The following NPEPPS variants were observed in gnomAD, a reference collection of about 807,000 sequenced individuals.
NPEPPS encodes puromycin-sensitive aminopeptidase.
NPEPPS carries 14 observed loss-of-function variants against 115.5 expected under a neutral mutation model. That is an observed-to-expected ratio of 0.12 (90% CI 0.08 to 0.19). The LOEUF (loss-of-function observed/expected upper bound fraction) is 0.19, where lower values mean the gene tolerates loss of function less well. NPEPPS is among the 10% of genes least tolerant of loss of function. NPEPPS has a pLI of 1.00. For synonymous variants in NPEPPS, 285 were observed against 390.6 expected (o/e 0.73, Z 3.19); for missense variants, 523 against 1,110.8 (o/e 0.47, Z 7.52).
intron 3 of NPEPPS, among the ~76,000 whole-genome samples, chr17:47,577,577 T>G (rs186135447): frequency 1.7e-3 from 254 of 152,314 alleles, no homozygotes; most frequent in African/African-American, 5.8e-3. Flanking sequence ...TCATTCTCTT[T>G]AAAGAAAAAA....
chr17:47,616,421 C>T (rs980923742), intron 19 of NPEPPS, among the ~76,000 whole-genome samples: 2 of 151,850 alleles, frequency 1.3e-5, no homozygotes, highest in African/African-American at 4.8e-5. Context: ...CGGTGGCTCA[C>T]GCCTGCAATC....
intron 17 of NPEPPS, among the ~76,000 whole-genome samples, chr17:47,609,888 T>C (rs1408697434): frequency 6.6e-6 from 1 of 152,234 alleles, no homozygotes; most frequent in Admixed American, 6.5e-5. Context: ...GGGTTGTTCA[T>C]TGCTTTTTAT....
intron 19 of NPEPPS, among the ~76,000 whole-genome samples, chr17:47,617,944 A>C (rs1014287653): frequency 6.6e-6 from 1 of 151,958 alleles, no homozygotes; most frequent in African/African-American, 2.4e-5. Flanking sequence ...CAGTGGCACG[A>C]TCTCAGCTCA....
intron 3 of NPEPPS, among the ~76,000 whole-genome samples, chr17:47,571,461 G>A (rs545203372): frequency 1.3e-5 from 2 of 152,238 alleles, no homozygotes; most frequent in Non-Finnish European, 2.9e-5. Flanking sequence ...GCTCACGCCT[G>A]TAATCCCAGC....
chr17:47,541,709 G>A (rs1184734769), intron 1 of NPEPPS, among the ~76,000 whole-genome samples: 2 of 152,084 alleles, frequency 1.3e-5, no homozygotes, highest in Admixed American at 1.3e-4. Flanking sequence ...TTCTGAATAG[G>A]CAAAGAATTC....
At chr17:47,587,045 T>C in intron 8 of NPEPPS, 185 bp from the exon 9 acceptor site, 1 of 519,810 alleles carries the variant, frequency 1.9e-6, no homozygotes, top group Non-Finnish European at 3.4e-6. Context: ...TGATATTCTG[T>C]TGTATTAATT....
chr17:47,555,981 C>CTTTTTTTTTTT (rs886460288), intron 2 of NPEPPS, among the ~76,000 whole-genome samples: 9 of 63,038 alleles, frequency 1.4e-4, no homozygotes, highest in Non-Finnish European at 2.1e-4. Context: ...TTCTGTTTTA[C>CTTTTTTTTTTT]TTTTTTTTTT....
chr17:47,612,811 C>T (rs1019966889), intron 18 of NPEPPS, among the ~76,000 whole-genome samples: 5 of 152,100 alleles, frequency 3.3e-5, no homozygotes, highest in Non-Finnish European at 4.4e-5. Context: ...TTACAGGCGC[C>T]GCCACCACGC....
chr17:47,528,212 G>C (rs530572104), upstream of NPEPPS, among the ~76,000 whole-genome samples: 11 of 152,024 alleles, frequency 7.2e-5, no homozygotes, highest in South Asian at 1.9e-3. Flanking sequence ...TGGGGCAGGA[G>C]AATTGCTTGA....
chr17:47,596,233 T>A, intron 12 of NPEPPS, 120 bp from the exon 13 acceptor site: 1 of 599,416 alleles, frequency 1.7e-6, no homozygotes, highest in Non-Finnish European at 2.9e-6. Context: ...GGCTCACTGT[T>A]TCCTGAACCT....
intron 1 of NPEPPS, among the ~76,000 whole-genome samples, chr17:47,525,734 T>C (rs1445554839): frequency 1.3e-5 from 2 of 152,190 alleles, no homozygotes; most frequent in Non-Finnish European, 1.5e-5. Context: ...GGCATACATC[T>C]TGTACATACA....
Position 47,619,004 on chromosome 17 carries a change from T to A in NPEPPS, c.2404-5T>A. 1 of 1,609,170 alleles carries A rather than the reference T, an allele frequency of 6.2e-7. No homozygotes were observed. ...CTAGACTTTTAGCTCTCTTTCTTTT[T>A]TTAGGAAGAGGTACGTCCACAGGAC... On this transcript the variant is annotated splice_region_variant and splice_polypyrimidine_tract_variant and intron_variant, in intron 20 of 22. Coordinates refer to ENST00000322157, the MANE Select transcript of NPEPPS (RefSeq NM_006310.4).
At chr17:47,572,288 G>T (rs1911247095) in intron 3 of NPEPPS, among the ~76,000 whole-genome samples, 1 of 152,080 alleles carries the variant, frequency 6.6e-6, no homozygotes, top group African/African-American at 2.4e-5. Flanking sequence ...CTGTATGATG[G>T]TGGTATACTT....
intron 1 of NPEPPS, among the ~76,000 whole-genome samples, chr17:47,543,563 G>A (rs1179675010): frequency 6.7e-6 from 1 of 149,536 alleles, no homozygotes; most frequent in Non-Finnish European, 1.5e-5. Context: ...CTGACCTCAA[G>A]TGATCCACCC....
intron 3 of NPEPPS, among the ~76,000 whole-genome samples, chr17:47,571,687 C>T (rs1165570747): frequency 6.6e-6 from 1 of 152,128 alleles, no homozygotes; most frequent in Non-Finnish European, 1.5e-5. Context: ...CACTGCACTC[C>T]AGCCTGGGCG....
At chr17:47,572,478 T>TA (rs59690898) in intron 3 of NPEPPS, among the ~76,000 whole-genome samples, 56,133 of 147,646 alleles carry the variant, frequency 0.38, 11,219 homozygotes, top group South Asian at 0.46. Context: ...TAAAGAAAGT[T>TA]AAAAAAAAAA....
chr17:47,579,165 A>G (rs1156500661), intron 3 of NPEPPS, among the ~76,000 whole-genome samples: 1 of 151,472 alleles, frequency 6.6e-6, no homozygotes, highest in Non-Finnish European at 1.5e-5. Context: ...ATAACTTTTT[A>G]GGCAGTCACC....
intron 1 of NPEPPS, among the ~76,000 whole-genome samples, chr17:47,535,549 CA>C (rs1002859470): frequency 0.41 from 36,289 of 88,940 alleles, 4,255 homozygotes; most frequent in Middle Eastern, 0.54. Context: ...GGCTCCGTCT[CA>C]AAAAAAAAAA....
At position 47,569,485 on chromosome 17, in the gene NPEPPS, C is replaced by T. The variant is rs1259160758; in HGVS notation, c.409C>T (p.Leu137=). ...EKVTLSFPST[L]QTGTGTLKID... The stretch of plus-strand genomic sequence containing the variant: ...AGTCACCTTGTCTTTCCCTAGTACT[C>T]TGCAAACAGGTAAGAGACATAGCTT... The change falls in exon 3 of 23, where the codon CTG becomes TTG. Residue 137 remains leucine, a synonymous_variant. Coordinates refer to ENST00000322157, the MANE Select transcript of NPEPPS (RefSeq NM_006310.4). 3 of 1,383,244 alleles carry T rather than the reference C, an allele frequency of 2.2e-6. No individual in the cohort carries two copies. Among genetic ancestry groups the T allele is most frequent in the African/African-American group, 2.8e-5 (2 of 70,438 alleles). 85.7% of individuals were successfully genotyped at this position (1,383,244 alleles called of 1,614,324 possible).
Sources: gnomAD v4.1 joint callset for allele counts (sites outside exome capture counted in the v4.1 genomes callset) on GRCh38, gnomAD v4.1.1 for gene constraint, MANE v1.5 for transcripts, NCBI Gene and HGNC (gene_info 2026-07-23, HGNC 2026-07-21) for gene names.